Variants in ACACA observed in about 807,000 individuals in gnomAD.
ACACA encodes the protein acetyl-CoA carboxylase 1.
In ACACA, 103 loss-of-function variants were observed where a neutral mutation model predicts 296.1. The ratio of observed to expected loss-of-function variants is 0.35; its 90% CI spans 0.30 to 0.41. The LOEUF is 0.41. Among genes scored for constraint, ACACA ranks in the 10% least tolerant of loss-of-function variants. The pLI is 1.00. For missense variants in ACACA, 1,554 were observed against 2,989.7 expected, an observed-to-expected ratio of 0.52 and a Z score of 11.20; for synonymous variants, 953 against 1,038.6, an observed-to-expected ratio of 0.92 and a Z score of 1.58.
At chr17:37,306,698 A>AT (rs1272798809) in intron 3 of ACACA, among the ~76,000 whole-genome samples, 6 of 151,438 alleles carry the variant, frequency 4.0e-5, no homozygotes, top group African/African-American at 1.5e-4. Context: ...TAAATTTATT[A>AT]TTATTTTTTT....
At chr17:37,338,226 C>CAAA (rs564232257) in intron 2 of ACACA, among the ~76,000 whole-genome samples, 2 of 67,440 alleles carry the variant, frequency 3.0e-5, no homozygotes, top group African/African-American at 9.1e-5. Flanking sequence ...GACTCCGTCT[C>CAAA]AAAAAAAAAA....
chr17:37,262,505 T>C (rs905988768), intron 11 of ACACA, among the ~76,000 whole-genome samples: 3 of 152,178 alleles, frequency 2.0e-5, no homozygotes, highest in African/African-American at 4.8e-5. Context: ...TTCAATTTTG[T>C]GGGCCATATA....
chr17:37,116,031 C>G (rs752244389), intron 50 of ACACA, among the ~76,000 whole-genome samples: 80 of 151,816 alleles, frequency 5.3e-4, no homozygotes, highest in Non-Finnish European at 8.7e-4. Context: ...CTCACTCTGT[C>G]TCCCAAGCTG....
chr17:37,325,579 C>CTT (rs1156553256), intron 3 of ACACA, among the ~76,000 whole-genome samples: 8,660 of 66,740 alleles, frequency 0.13, 1,016 homozygotes, highest in African/African-American at 0.25. Flanking sequence ...TCTTTTCTTT[C>CTT]TTTTTTTTTT....
intron 2 of ACACA, 105 bp downstream of exon 2, chr17:37,339,699 T>C (rs2048296629): frequency 2.0e-5 from 15 of 761,964 alleles, no homozygotes; most frequent in South Asian, 8.9e-5. Context: ...GCCTATATTA[T>C]TTTGTGGAAG....
chr17:37,194,013 G>A (rs1053686716), intron 35 of ACACA, among the ~76,000 whole-genome samples: 1 of 152,036 alleles, frequency 6.6e-6, no homozygotes, highest in African/African-American at 2.4e-5. Context: ...GTAATCATTA[G>A]GTCTTCCTGC....
intron 3 of ACACA, among the ~76,000 whole-genome samples, chr17:37,305,892 G>GTTT (rs1202121523): frequency 5.4e-5 from 7 of 128,714 alleles, no homozygotes; most frequent in Non-Finnish European, 9.9e-5. Flanking sequence ...AATTTTAGCA[G>GTTT]TTTTTTTTTT....
chr17:37,187,017 GTT>G (rs1211790013), intron 39 of ACACA, among the ~76,000 whole-genome samples: 4 of 152,112 alleles, frequency 2.6e-5, no homozygotes, highest in Non-Finnish European at 5.9e-5. Flanking sequence ...TATTGTAGAA[GTT>G]AATTAAAAAC....
At chr17:37,221,676 A>G (rs1270460615) in intron 29 of ACACA, 48 bp downstream of exon 29, 2 of 1,424,328 alleles carry the variant, frequency 1.4e-6, no homozygotes, top group Admixed American at 3.3e-5. Flanking sequence ...CTTGATTCTC[A>G]TGGTATACCT....
At chr17:37,229,859 C>T (rs914301489) in intron 25 of ACACA, among the ~76,000 whole-genome samples, 8 of 150,946 alleles carry the variant, frequency 5.3e-5, no homozygotes, top group African/African-American at 1.7e-4. Context: ...TACCTGAGGT[C>T]AGTTCGAGAC....
intron 52 of ACACA, among the ~76,000 whole-genome samples, chr17:37,109,124 T>C (rs2073849002): frequency 6.6e-6 from 1 of 152,238 alleles, no homozygotes; most frequent in South Asian, 2.1e-4. Context: ...GCCAGAATCA[T>C]TGTGAACCCC....
intron 45 of ACACA, chr17:37,143,756 C>T (rs2075699875): frequency 6.4e-6 from 6 of 942,796 alleles, no homozygotes; most frequent in East Asian, 2.4e-5. Context: ...GTTTTTCTTG[C>T]TTTTTCGGCC....
At chr17:37,330,471 T>C (rs1338342520) in intron 2 of ACACA, 46 bp from the exon 3 acceptor site, 2 of 1,610,602 alleles carry the variant, frequency 1.2e-6, no homozygotes, top group Admixed American at 3.3e-5. Flanking sequence ...TGAATAATAA[T>C]CTATATCTGA....
chr17:37,207,732 A>C lies in ACACA; in HGVS notation c.3776T>G (p.Leu1259Trp). The C allele has an allele frequency of 6.2e-7, 1 of 1,614,080 alleles. No individual in the cohort carries two copies. Among genetic ancestry groups the C allele is most frequent in the Non-Finnish European group, 8.5e-7 (1 of 1,179,928 alleles). Residue 1259 changes from leucine to tryptophan, a missense_variant, in exon 31 of 56, where the codon TTG (leucine) becomes TGG (tryptophan). By Grantham distance (61) the Leu-to-Trp change is moderately conservative. Coordinates refer to ENST00000616317, the MANE Select transcript of ACACA (RefSeq NM_198834.3). ...THVASVSDVLLDNSFTPPCQR... is the reference protein window; with the variant it reads ...THVASVSDVLWDNSFTPPCQR... ...ACAAGGTGGAGTGAATGAGTTGTCC[A>C]ACAGTACATCGCTGACACTAGCTAC...
intron 45 of ACACA, among the ~76,000 whole-genome samples, chr17:37,132,859 A>G (rs557370626): frequency 1.3e-5 from 2 of 152,326 alleles, no homozygotes; most frequent in East Asian, 3.9e-4. Flanking sequence ...CCACTTATCT[A>G]TTCTACCCCA....
At chr17:37,089,171 G>A in intron 54 of ACACA, 97 bp from the exon 55 acceptor site, 2 of 1,550,404 alleles carry the variant, frequency 1.3e-6, no homozygotes, top group Non-Finnish European at 1.8e-6. Context: ...CTCCAAAAGT[G>A]TGCTCCGTGT....
chr17:37,365,864 TC>T (rs1366876299), intron 1 of ACACA: 2 of 375,772 alleles, frequency 5.3e-6, no homozygotes, highest in African/African-American at 4.4e-5. Flanking sequence ...TCTCACTCCT[TC>T]CTTATCCAAT....
At chr17:37,335,707 T>C (rs781040026) in intron 2 of ACACA, among the ~76,000 whole-genome samples, 14 of 152,206 alleles carry the variant, frequency 9.2e-5, no homozygotes, top group Non-Finnish European at 1.8e-4. Context: ...TACTCAGTTC[T>C]ACTACAAACT....
At chr17:37,331,466 T>C (rs182057905) in intron 2 of ACACA, among the ~76,000 whole-genome samples, 8 of 151,592 alleles carry the variant, frequency 5.3e-5, no homozygotes, top group Non-Finnish European at 1.2e-4. Flanking sequence ...TGGAGTGCAA[T>C]GGCACGATCT....
Sources: gnomAD v4.1 joint callset for allele counts (sites outside exome capture counted in the v4.1 genomes callset) on GRCh38, gnomAD v4.1.1 for gene constraint, MANE v1.5 for transcripts, NCBI Gene and HGNC (gene_info 2026-07-23, HGNC 2026-07-21) for gene names.